Variants in CHN2 observed in about 807,000 individuals in gnomAD.
The protein encoded by CHN2 is chimerin 2.
CHN2 carries 35 observed loss-of-function variants against 56.3 expected under a neutral mutation model. The ratio of observed to expected loss-of-function variants is 0.62; its 90% CI spans 0.47 to 0.82. The LOEUF (loss-of-function observed/expected upper bound fraction) is 0.82, where lower values mean the gene tolerates loss of function less well. Among genes scored for constraint, CHN2 ranks in the 40% least tolerant of loss-of-function variants. The pLI is 0.00. For synonymous variants in CHN2, 210 were observed against 212.8 expected (o/e 0.99, Z 0.12); for missense variants, 491 against 580.5 (o/e 0.85, Z 1.58).
intron 1 of CHN2, among the ~76,000 whole-genome samples, chr7:29,280,661 A>G (rs1464895156): frequency 6.6e-6 from 1 of 152,204 alleles, no homozygotes; most frequent in Non-Finnish European, 1.5e-5. Flanking sequence ...TGAACAGAGA[A>G]GGCAGATGTT....
intron 6 of CHN2, among the ~76,000 whole-genome samples, chr7:29,451,007 G>A (rs779258684): frequency 1.3e-5 from 2 of 151,938 alleles, no homozygotes; most frequent in East Asian, 1.9e-4. Context: ...CTGACCTCGT[G>A]ATCTACCCAC....
At chr7:29,481,540 A>G (rs1174833830) in intron 7 of CHN2, among the ~76,000 whole-genome samples, 1 of 152,180 alleles carries the variant, frequency 6.6e-6, no homozygotes, top group African/African-American at 2.4e-5. Context: ...ACAGCCCTAC[A>G]TACTTAGCAT....
intron 1 of CHN2, among the ~76,000 whole-genome samples, chr7:29,235,995 G>T (rs1289672930): frequency 1.3e-5 from 2 of 152,296 alleles, no homozygotes; most frequent in Non-Finnish European, 1.5e-5. Context: ...CACACAGTTT[G>T]TCCGCGGAAC....
rs891842791 is a variant in CHN2 at position 29,380,324 on chromosome 7, A to G, written c.144+12337A>G. Among the ~76,000 whole-genome samples the G allele has an allele frequency of 3.3e-5, 5 of 152,210 alleles. No homozygotes were observed. In the East Asian group the frequency reaches 5.8e-4, roughly 18 times the overall value. ...CTTACTATTTATATGTATAAAGCAC[A>G]AATACCTATATAGAACATAAACAGA... On this transcript the variant is annotated intron_variant, in intron 3 of 12. Transcript: ENST00000222792.
intron 1 of CHN2, among the ~76,000 whole-genome samples, chr7:29,211,068 TTTGTTGTTG>T (rs1554363856): frequency 3.3e-4 from 49 of 147,526 alleles, no homozygotes; most frequent in African/African-American, 1.1e-3. Flanking sequence ...TGTTTTTTTT[TTTGTTGTTG>T]TTGTTGTTGT....
chr7:29,266,748 T>G (rs1335828011), intron 1 of CHN2, among the ~76,000 whole-genome samples: 1 of 152,184 alleles, frequency 6.6e-6, no homozygotes, highest in Non-Finnish European at 1.5e-5. Flanking sequence ...CTGTAGTGCA[T>G]TTTCCACAGG....
intron 10 of CHN2, 71 bp downstream of exon 10, chr7:29,504,892 A>G (rs908512196): frequency 2.8e-6 from 3 of 1,062,694 alleles, no homozygotes; most frequent in East Asian, 2.4e-5. Context: ...GGTTTTAATC[A>G]TAGTAGAAAT....
intron 1 of CHN2, among the ~76,000 whole-genome samples, chr7:29,248,053 G>A (rs936836102): frequency 6.6e-5 from 10 of 152,214 alleles, no homozygotes; most frequent in African/African-American, 2.4e-4. Flanking sequence ...TTTGAGGAGG[G>A]CTGGAGGGCG....
At chr7:29,466,341 G>A (rs1020143524) in intron 6 of CHN2, among the ~76,000 whole-genome samples, 2 of 151,974 alleles carry the variant, frequency 1.3e-5, no homozygotes, top group Non-Finnish European at 2.9e-5. Context: ...TATTTGGAGC[G>A]AATCTATGTT....
chr7:29,451,316 T>G (rs1784386756), intron 6 of CHN2, among the ~76,000 whole-genome samples: 2 of 152,130 alleles, frequency 1.3e-5, no homozygotes, highest in Non-Finnish European at 2.9e-5. Context: ...AAGTTCCGTG[T>G]GAATTGTCAG....
At chr7:29,505,390 A>G (rs1790452812) in intron 10 of CHN2, among the ~76,000 whole-genome samples, 1 of 152,200 alleles carries the variant, frequency 6.6e-6, no homozygotes, top group Non-Finnish European at 1.5e-5. Flanking sequence ...CAGTCAAGAC[A>G]TGGAAGCCCT....
intron 2 of CHN2, among the ~76,000 whole-genome samples, chr7:29,179,732 A>AT (rs1180999029): frequency 6.6e-6 from 1 of 152,196 alleles, no homozygotes. Flanking sequence ...TAGCTATTCT[A>AT]TTTTATATCA....
Position 29,213,309 on chromosome 7 carries a change from A to G in CHN2, c.49+18319A>G. Reference sequence around the variant, plus strand: ...CCCTCCCTGATAGGATTTTTCTTGTATGGAAACCATGTGTTCTGGCTTCCA... The same window carrying G: ...CCCTCCCTGATAGGATTTTTCTTGTGTGGAAACCATGTGTTCTGGCTTCCA... On this transcript the variant is annotated intron_variant, in intron 1 of 12. Transcript: ENST00000222792. 4 of 739,802 alleles carry G rather than the reference A, an allele frequency of 5.4e-6. No individual in the cohort carries two copies. In the South Asian group the frequency reaches 6.1e-5, roughly 11 times the overall value. The allele number at this position is 739,802 out of a possible 1,614,324, so 45.8% of individuals were successfully genotyped here. A position where few individuals can be genotyped will look rare whatever the true frequency, so the allele number is the denominator to read the frequency against.
At chr7:29,167,825 G>A (rs531547536) in intron 2 of CHN2, among the ~76,000 whole-genome samples, 10 of 152,342 alleles carry the variant, frequency 6.6e-5, no homozygotes, top group African/African-American at 2.2e-4. Flanking sequence ...TTATGAGTGA[G>A]TTTGACTTGT....
intron 1 of CHN2, among the ~76,000 whole-genome samples, chr7:29,281,146 C>T (rs1478947196): frequency 6.6e-6 from 1 of 152,190 alleles, no homozygotes; most frequent in African/African-American, 2.4e-5. Context: ...AAAAGTCTCC[C>T]TTGTGCTCTG....
At chr7:29,400,279 C>T in intron 5 of CHN2, 1 of 501,460 alleles carries the variant, frequency 2.0e-6, no homozygotes, top group East Asian at 3.5e-5. Context: ...GGTTAAGCCC[C>T]ACCTCTGCCT....
chr7:29,379,700 C>T (rs528703049), intron 3 of CHN2, among the ~76,000 whole-genome samples: 32 of 152,164 alleles, frequency 2.1e-4, no homozygotes, highest in African/African-American at 7.2e-4. Flanking sequence ...AGAAGAGTGG[C>T]AGGATGTGCT....
intron 1 of CHN2, among the ~76,000 whole-genome samples, chr7:29,255,084 G>C (rs1788962291): frequency 6.6e-6 from 1 of 152,194 alleles, no homozygotes; most frequent in South Asian, 2.1e-4. Flanking sequence ...GAGCCTGCCA[G>C]ACAGGCACCC....
rs911074488 is a variant in CHN2, at chr7:29,512,894, T to G, written c.*159T>G. ...AGTGGGGTACTGTGTCTCATAGACA[T>G]GCGCCACCTCCACGTGAGAACAAGG... On this transcript the variant is annotated 3_prime_UTR_variant, in exon 13 of 13. Coordinates refer to ENST00000222792, the MANE Select transcript of CHN2 (RefSeq NM_004067.4). 1 of 704,370 alleles carries G rather than the reference T, an allele frequency of 1.4e-6. No homozygotes were observed. Among genetic ancestry groups the G allele is most frequent in the African/African-American group, 1.8e-5 (1 of 55,520 alleles). 43.6% of individuals were successfully genotyped at this position (704,370 alleles called of 1,614,324 possible). A position where few individuals can be genotyped will look rare whatever the true frequency, so the allele number is the denominator to read the frequency against.
Sources: gnomAD v4.1 joint callset for allele counts (sites outside exome capture counted in the v4.1 genomes callset) on GRCh38, gnomAD v4.1.1 for gene constraint, MANE v1.5 for transcripts, NCBI Gene and HGNC (gene_info 2026-07-23, HGNC 2026-07-21) for gene names.